ZNF644: variants seen among roughly 807,000 people sequenced by gnomAD.
ZNF644 encodes zinc finger motif enhancer binding protein 2.
In ZNF644, 20 loss-of-function variants were observed where a neutral mutation model predicts 108.0. The ratio of observed to expected loss-of-function variants is 0.19; its 90% CI spans 0.13 to 0.27. ZNF644 has a LOEUF of 0.27. Ranked by LOEUF, ZNF644 falls within the 10% of genes least tolerant of loss-of-function variation. ZNF644 has a pLI of 1.00. For missense variants in ZNF644, 1,338 were observed against 1,548.9 expected (o/e 0.86, Z 2.29); for synonymous variants, 542 against 539.1 (o/e 1.01, Z -0.08).
intron 4 of ZNF644, among the ~76,000 whole-genome samples, chr1:90,919,848 T>C (rs1649226577): frequency 6.6e-6 from 1 of 152,090 alleles, no homozygotes; most frequent in African/African-American, 2.4e-5. Context: ...TTTACTCCTA[T>C]TTAATACAGG....
At chr1:90,998,121 C>A (rs1178105545) in intron 1 of ZNF644, among the ~76,000 whole-genome samples, 2 of 152,236 alleles carry the variant, frequency 1.3e-5, no homozygotes, top group African/African-American at 4.8e-5. Context: ...CCTCTTGGGG[C>A]AGGGCACAGC....
chr1:91,010,151 C>T (rs951702087), intron 1 of ZNF644, among the ~76,000 whole-genome samples: 2 of 151,600 alleles, frequency 1.3e-5, no homozygotes, highest in East Asian at 1.9e-4. Context: ...GCTCATGCCA[C>T]AATCTTATTA....
At chr1:90,935,620 A>G in intron 4 of ZNF644, 12 of 916,706 alleles carry the variant, frequency 1.3e-5, no homozygotes, top group Non-Finnish European at 1.6e-5. Flanking sequence ...ACCACAATAA[A>G]GATGGTTTTC....
At chr1:90,986,260 T>C (rs1054307602) in intron 1 of ZNF644, among the ~76,000 whole-genome samples, 10 of 151,328 alleles carry the variant, frequency 6.6e-5, no homozygotes, top group African/African-American at 1.5e-4. Context: ...CAAATTCCAA[T>C]AGAAGATCAT....
At chr1:91,005,562 T>C (rs527400048) in intron 1 of ZNF644, among the ~76,000 whole-genome samples, 2 of 152,088 alleles carry the variant, frequency 1.3e-5, no homozygotes, top group East Asian at 3.9e-4. Context: ...TTTAAAGGAA[T>C]AAAAATCATA....
chr1:90,971,559 A>G, intron 2 of ZNF644, among the ~76,000 whole-genome samples: 1 of 152,104 alleles, frequency 6.6e-6, no homozygotes, highest in Non-Finnish European at 1.5e-5. Context: ...AGCTGGGATT[A>G]CAGGTGCATG....
chr1:90,936,279 T>C (rs1254908315), intron 4 of ZNF644, among the ~76,000 whole-genome samples: 1 of 152,164 alleles, frequency 6.6e-6, no homozygotes, highest in African/African-American at 2.4e-5. Flanking sequence ...AGCATTACTG[T>C]GATAGCCACA....
At chr1:91,005,065 A>C (rs1245191512) in intron 1 of ZNF644, among the ~76,000 whole-genome samples, 1 of 152,134 alleles carries the variant, frequency 6.6e-6, no homozygotes, top group Admixed American at 6.5e-5. Context: ...AAAAAACATA[A>C]TCCAACTATA....
intron 4 of ZNF644, among the ~76,000 whole-genome samples, chr1:90,926,626 G>C (rs1650070579): frequency 6.6e-6 from 1 of 152,120 alleles, no homozygotes; most frequent in Non-Finnish European, 1.5e-5. Flanking sequence ...CCTTCTACCA[G>C]ACAGCATGGT....
chr1:90,921,179 A>G (rs1649387880), intron 4 of ZNF644, among the ~76,000 whole-genome samples: 1 of 152,126 alleles, frequency 6.6e-6, no homozygotes, highest in South Asian at 2.1e-4. Context: ...ATTTTATTAT[A>G]TCTAGAGGGA....
intron 2 of ZNF644, among the ~76,000 whole-genome samples, chr1:90,957,295 G>C (rs1034726852): frequency 2.0e-5 from 3 of 152,108 alleles, no homozygotes; most frequent in African/African-American, 7.2e-5. Flanking sequence ...ATTCTAAGCA[G>C]CCAGCATTAC....
At chr1:90,964,839 ATTTAGT>A (rs1470042241) in intron 2 of ZNF644, among the ~76,000 whole-genome samples, 4 of 152,118 alleles carry the variant, frequency 2.6e-5, no homozygotes, top group Admixed American at 6.5e-5. Flanking sequence ...TTGTGATAGT[ATTTAGT>A]TTTAGAGTTA....
chr1:90,999,649 C>T (rs1184064719), intron 1 of ZNF644, among the ~76,000 whole-genome samples: 1 of 152,124 alleles, frequency 6.6e-6, no homozygotes, highest in African/African-American at 2.4e-5. Flanking sequence ...AAATAACCAG[C>T]TAACATCATA....
chr1:91,000,558 T>C (rs1422895528), intron 1 of ZNF644, among the ~76,000 whole-genome samples: 1 of 152,160 alleles, frequency 6.6e-6, no homozygotes, highest in Non-Finnish European at 1.5e-5. Context: ...GGGAAATTTA[T>C]AGCACTAAAT....
chr1:90,968,388 T>C lies in ZNF644; in HGVS notation c.44+13922A>G, dbSNP rs1024916295. On this transcript the variant is annotated intron_variant, in intron 2 of 5. Coordinates refer to ENST00000337393, the MANE Select transcript of ZNF644 (RefSeq NM_201269.3). ...TTAAAAATTTGTCAACTAGCTAATTTGCTTTTAAACTGTATATAAGCATTC... is the reference window on the plus strand; with the variant it reads ...TTAAAAATTTGTCAACTAGCTAATTCGCTTTTAAACTGTATATAAGCATTC... Among the ~76,000 whole-genome samples, 3 of 152,210 alleles carry C rather than the reference T, an allele frequency of 2.0e-5. No individual in the cohort carries two copies. The East Asian group carries it at 5.8e-4, about 29-fold the overall frequency.
Position 90,948,684 on chromosome 1 carries a change from A to G in ZNF644, c.45-7375T>C, listed in dbSNP as rs1570406609. 1.3e-5 allele frequency among the ~76,000 whole-genome samples: 2 copies of G among 152,200 alleles called. 1 individual carries two copies. Among genetic ancestry groups the G allele is most frequent in the East Asian group, 3.8e-4 (2 of 5,196 alleles). On this transcript the variant is annotated intron_variant, in intron 2 of 5. Transcript: ENST00000337393. ...CAGATACAGAAAGTCGACTATATTCATCGAAAAAAATCCACGTTTAAGTGG... is the reference window on the plus strand; with the variant it reads ...CAGATACAGAAAGTCGACTATATTCGTCGAAAAAAATCCACGTTTAAGTGG...
chr1:90,982,639 C>A (rs1656675309), intron 1 of ZNF644, among the ~76,000 whole-genome samples: 1 of 151,612 alleles, frequency 6.6e-6, no homozygotes, highest in Admixed American at 6.6e-5. Context: ...AAAAAAAATT[C>A]TAAATTGTTT....
intron 2 of ZNF644, among the ~76,000 whole-genome samples, chr1:90,942,225 A>T (rs1011840447): frequency 2.0e-5 from 3 of 152,196 alleles, no homozygotes; most frequent in African/African-American, 7.2e-5. Context: ...ATATGTTTTA[A>T]ATTTATTTCA....
chr1:90,961,753 T>C (rs1168525127), intron 2 of ZNF644, among the ~76,000 whole-genome samples: 1 of 152,162 alleles, frequency 6.6e-6, no homozygotes, highest in Non-Finnish European at 1.5e-5. Context: ...ACATTTAAAA[T>C]TTGTTTAATT....
Sources: gnomAD v4.1 joint callset for allele counts (sites outside exome capture counted in the v4.1 genomes callset) on GRCh38, gnomAD v4.1.1 for gene constraint, MANE v1.5 for transcripts, NCBI Gene and HGNC (gene_info 2026-07-23, HGNC 2026-07-21) for gene names.